Variants in ERAL1 observed in about 807,000 individuals in gnomAD.
ERAL1 encodes Era like 12S mitochondrial rRNA chaperone 1, also known as GTPase Era, mitochondrial.
A neutral mutation model predicts 53.6 loss-of-function variants in ERAL1; 36 were observed. The ratio of observed to expected loss-of-function variants is 0.67; its 90% CI spans 0.51 to 0.89. The LOEUF (loss-of-function observed/expected upper bound fraction) is 0.89. Among genes scored for constraint, ERAL1 ranks in the 40% least tolerant of loss-of-function variants. The probability of loss-of-function intolerance (pLI) is 0.00; values close to 1 mark genes in which losing one functional copy is unlikely to be tolerated. For missense variants in ERAL1, 512 were observed against 537.5 expected, an observed-to-expected ratio of 0.95 and a Z score of 0.47; for synonymous variants, 215 against 211.8, an observed-to-expected ratio of 1.02 and a Z score of -0.13.
At chr17:28,859,888 T>C (rs1184314524) in intron 9 of ERAL1, among the ~76,000 whole-genome samples, 1 of 152,184 alleles carries the variant, frequency 6.6e-6, no homozygotes, top group Non-Finnish European at 1.5e-5. Flanking sequence ...CTCAAATTCC[T>C]GGGCTCAAGC....
chr17:28,856,252 A>T lies in ERAL1; in HGVS notation c.284-12A>T. On this transcript the variant is annotated splice_polypyrimidine_tract_variant and intron_variant, in intron 1 of 9. Coordinates refer to ENST00000254928, the MANE Select transcript of ERAL1 (RefSeq NM_005702.4). ...TCCACTGTGTCTCATGCTTCTTCCC[A>T]CTTGCACATAGATGAGCAGGATGTC... The T allele has an allele frequency of 6.2e-7, 1 of 1,613,794 alleles. No homozygotes were observed.
In ERAL1 at chr17:28,858,467, G is replaced by C; in HGVS notation, c.692G>C (p.Ser231Thr). Residue 231 changes from serine to threonine, a missense_variant, in exon 6 of 10, where the codon AGT becomes ACT. By Grantham distance (58) the Ser-to-Thr change is moderately conservative. Coordinates refer to ENST00000254928, the MANE Select transcript of ERAL1 (RefSeq NM_005702.4). ...TTGACCAAGTACTCCCAGATCCCTA[G>C]TGTCCTGGTCATGAACAAGGTGAGC... is the stretch of plus-strand genomic sequence containing the variant. ...RCLTKYSQIP[S>T]VLVMNKVDCL... 6.2e-7 allele frequency: 1 copy of C among 1,614,120 alleles called. No individual in the cohort carries two copies. Among genetic ancestry groups the C allele is most frequent in the Non-Finnish European group, 8.5e-7 (1 of 1,180,018 alleles).
chr17:28,855,209 T>G lies in ERAL1; in HGVS notation c.175T>G (p.Ser59Ala). The G allele has an allele frequency of 1.9e-6, 3 of 1,614,260 alleles. No individual in the cohort carries two copies. The highest frequency in any genetic ancestry group is 2.5e-6 in the Non-Finnish European group (3 of 1,180,052). The change falls in exon 1 of 10, where the codon TCG becomes GCG. Residue 59 changes from serine to alanine, a missense_variant. By Grantham distance (99) the Ser-to-Ala change is moderately conservative (BLOSUM62 1). Transcript: ENST00000254928. ...CGCTTTCTCTGGTCCCCGCTTGGCC[T>G]CGGCTTCTCGCAGTAATGGCCAGGG... ...GSAFSGPRLASASRSNGQGSA... is the reference protein window; with the variant it reads ...GSAFSGPRLAAASRSNGQGSA...
In ERAL1 at chr17:28,855,287, C is replaced by T. The variant is rs763093566; in HGVS notation, c.253C>T (p.Pro85Ser). Residue 85 changes from proline (P) to serine (S), a missense_variant, in exon 1 of 10, where the codon CCT (proline) becomes TCT (serine). Coordinates refer to ENST00000254928, the MANE Select transcript of ERAL1 (RefSeq NM_005702.4). ...CTCTCAGCCCGACAGTTCGGTGACT[C>T]CTTGCGTCCCCGCGGTGTCCATGAA... is the stretch of plus-strand genomic sequence containing the variant. The part of the protein sequence containing the change: ...GFSQPDSSVT[P>S]CVPAVSMNRD... 2.1e-5 allele frequency: 33 copies of T among 1,605,992 alleles called. No individual in the cohort carries two copies. Among genetic ancestry groups the T allele is most frequent in the Non-Finnish European group, 2.6e-5 (31 of 1,174,976 alleles).
rs200463454 is a variant in ERAL1 at position 28,855,317 on chromosome 17, G to C, written c.283G>C (p.Asp95His). 4 of 1,575,224 alleles carry C rather than the reference G, an allele frequency of 2.5e-6. No homozygotes were observed. The South Asian group carries it at 4.6e-5, about 18-fold the overall frequency. Residue 95 changes from aspartate (D) to histidine (H), a missense_variant and splice_region_variant, in exon 1 of 10, where the codon GAT (aspartate) becomes CAT (histidine). Asp to His is a moderately conservative substitution (Grantham distance 81). Transcript: ENST00000254928. ...CGTCCCCGCGGTGTCCATGAACAGA[G>C]GTAAAGCGCCCTGATAGGTTTGCTC... ...PCVPAVSMNRDEQDVLLVHHP... is the reference protein window; with the variant it reads ...PCVPAVSMNRHEQDVLLVHHP...
Position 28,858,224 on chromosome 17 carries a change from GA to G in ERAL1, c.598+19del. ...CTGATCTTGGTTAGGTTCAGGATGG[GA>G]ACCTTAAGCCCAGTTTACAGGGGTC... On this transcript the variant is annotated intron_variant, in intron 5 of 9. Coordinates refer to ENST00000254928, the MANE Select transcript of ERAL1 (RefSeq NM_005702.4). The G allele has an allele frequency of 6.2e-7, 1 of 1,613,604 alleles. No homozygotes were observed. The highest frequency in any genetic ancestry group is 8.5e-7 in the Non-Finnish European group (1 of 1,179,936).
At position 28,855,102 on chromosome 17, in the gene ERAL1, C is replaced by T. The variant is rs2039221746; in HGVS notation, c.68C>T (p.Pro23Leu). The T allele has an allele frequency of 6.2e-7, 1 of 1,614,104 alleles. No individual in the cohort carries two copies. Among genetic ancestry groups the T allele is most frequent in the Non-Finnish European group, 8.5e-7 (1 of 1,180,040 alleles). ...GTGTTAAGAGTCTGGCAGGTGGGCC[C>T]TCATGTCGCGAGGGAGCGGGTGATC... Reference protein sequence around the residue: ...QSVLRVWQVGPHVARERVIPF... With the variant: ...QSVLRVWQVGLHVARERVIPF... Residue 23 changes from proline (P) to leucine (L), a missense_variant, in exon 1 of 10, where the codon CCT becomes CTT. Physicochemically the swap from Pro to Leu is moderately conservative, Grantham distance 98. Transcript: ENST00000254928.
chr17:28,859,147 A>C, intron 8 of ERAL1, 34 bp downstream of exon 8: 1 of 1,614,218 alleles, frequency 6.2e-7, no homozygotes, highest in South Asian at 1.1e-5. Context: ...GCTCTCTATC[A>C]GACACACACC....
intron 3 of ERAL1, 122 bp downstream of exon 3, chr17:28,856,704 TTTTC>T (rs2039248699): frequency 4.7e-6 from 4 of 848,482 alleles, no homozygotes; most frequent in Non-Finnish European, 7.5e-6. Context: ...AGGGGGTTTC[TTTTC>T]TTTTTCTTTT....
Position 28,858,480 on chromosome 17 carries a change from G to A in ERAL1, c.705G>A (p.Met235Ile). The change falls in exon 6 of 10, where the codon ATG becomes ATA. Residue 235 changes from methionine (M) to isoleucine (I), a missense_variant. Physicochemically the swap from Met to Ile is conservative, Grantham distance 10. Transcript: ENST00000254928. ...CCCAGATCCCTAGTGTCCTGGTCAT[G>A]AACAAGGTGAGCACTACCCACCTGA... ...KYSQIPSVLV[M>I]NKVDCLKQKS... The A allele has an allele frequency of 1.2e-6, 2 of 1,614,114 alleles. No individual in the cohort carries two copies. Among genetic ancestry groups the A allele is most frequent in the Non-Finnish European group, 1.7e-6 (2 of 1,180,020 alleles).
chr17:28,856,474 G>C, intron 2 of ERAL1, 31 bp from the exon 3 acceptor site: 1 of 1,613,608 alleles, frequency 6.2e-7, no homozygotes, highest in Non-Finnish European at 8.5e-7. Context: ...AGGGATCTGG[G>C]ACCTCACTGA....
At chr17:28,855,780 C>T (rs529385693) in intron 1 of ERAL1, among the ~76,000 whole-genome samples, 5 of 135,822 alleles carry the variant, frequency 3.7e-5, no homozygotes, top group African/African-American at 8.2e-5. Context: ...CCCTTCCTCC[C>T]GTCCCTCCTT....
chr17:28,859,149 A>G (rs772841055), intron 8 of ERAL1, 36 bp downstream of exon 8: 2 of 1,614,006 alleles, frequency 1.2e-6, no homozygotes, highest in African/African-American at 1.3e-5. Flanking sequence ...TCTCTATCAG[A>G]CACACACCTC....
In ERAL1 at chr17:28,857,968, T is replaced by G. The variant is rs750486213; in HGVS notation, c.519T>G (p.Ser173Arg). ...VILLDTPGII[S>R]PGKQKRHHLE... is the part of the protein sequence containing the mutation. ...TACTTGACACACCTGGCATTATCAG[T>G]CCTGGTAAACAGAAGAGGTAATGGT... is the stretch of plus-strand genomic sequence containing the variant. Residue 173 changes from serine (S) to arginine (R), a missense_variant, in exon 4 of 10, where the codon AGT becomes AGG. By Grantham distance (110) the Ser-to-Arg change is moderately radical. Transcript: ENST00000254928. 1 of 1,614,060 alleles carries G rather than the reference T, an allele frequency of 6.2e-7. No homozygotes were observed. The highest frequency in any genetic ancestry group is 8.5e-7 in the Non-Finnish European group (1 of 1,180,024).
intron 4 of ERAL1, 73 bp downstream of exon 4, chr17:28,858,058 C>G: frequency 6.2e-7 from 1 of 1,609,694 alleles, no homozygotes; most frequent in South Asian, 1.1e-5. Flanking sequence ...ATTATAGGGG[C>G]TGGAAAACCC....
chr17:28,857,889 G>T, intron 3 of ERAL1, 50 bp from the exon 4 acceptor site: 1 of 1,607,092 alleles, frequency 6.2e-7, no homozygotes, highest in Non-Finnish European at 8.5e-7. Context: ...TGACTTCCCA[G>T]TCATAATCTT....
rs139144289 is a variant in ERAL1, at chr17:28,860,448, G to T, written c.1209G>T (p.Pro403=). Residue 403 remains proline, a synonymous_variant, in exon 10 of 10, where the codon CCG becomes CCT. Coordinates refer to ENST00000254928, the MANE Select transcript of ERAL1 (RefSeq NM_005702.4). ...ACCCTCAGAAACTCCTGATTGGTCC[G>T]AAGGGCCACGTGATCTCCCAGATAG... The part of the protein sequence containing the change: ...KESYVKLLIG[P]KGHVISQIAQ... 2 of 1,611,608 alleles carry T rather than the reference G, an allele frequency of 1.2e-6. No individual in the cohort carries two copies. The highest frequency in any genetic ancestry group is 8.5e-7 in the Non-Finnish European group (1 of 1,178,996).
chr17:28,857,669 G>T (rs893179981), intron 3 of ERAL1, among the ~76,000 whole-genome samples: 1 of 152,014 alleles, frequency 6.6e-6, no homozygotes, highest in African/African-American at 2.4e-5. Context: ...GTGCACGCCT[G>T]TAATCCCAGC....
Position 28,858,146 on chromosome 17 carries a change from G to A in ERAL1, c.537G>A (p.Arg179=). 1.2e-6 allele frequency: 2 copies of A among 1,614,056 alleles called. No homozygotes were observed. The highest frequency in any genetic ancestry group is 1.7e-6 in the Non-Finnish European group (2 of 1,179,994). Reference sequence around the variant, plus strand: ...TGACTGATGTATGTCTGTCCCTCAGGCATCACCTGGAGCTCTCTTTGTTGG... The same window carrying A: ...TGACTGATGTATGTCTGTCCCTCAGACATCACCTGGAGCTCTCTTTGTTGG... ...PGIISPGKQK[R]HHLELSLLED... The change falls in exon 5 of 10, where the codon AGG becomes AGA. Residue 179 remains arginine (R), a splice_region_variant and synonymous_variant. Coordinates refer to ENST00000254928, the MANE Select transcript of ERAL1 (RefSeq NM_005702.4).
Sources: allele counts gnomAD v4.1 joint callset (sites outside exome capture counted in the v4.1 genomes callset), GRCh38; gene constraint gnomAD v4.1.1; transcripts MANE v1.5; gene names NCBI Gene and HGNC (gene_info 2026-07-23, HGNC 2026-07-21).